CFAP47: variants seen among roughly 807,000 people sequenced by gnomAD.
CFAP47 encodes the protein cilia- and flagella-associated protein 47.
In CFAP47, 29 loss-of-function variants were observed where a neutral mutation model predicts 148.1. That is an observed-to-expected ratio of 0.20 (90% CI 0.15 to 0.27). CFAP47 has a LOEUF of 0.27. Ranked by LOEUF, CFAP47 falls within the 10% of genes least tolerant of loss-of-function variation. The pLI is 1.00. For synonymous variants in CFAP47, 664 were observed against 577.3 expected (o/e 1.15, Z -2.15); for missense variants, 1,872 against 1,697.5 (o/e 1.10, Z -1.81).
At chrX:36,093,989 A>T (rs1938231424) in intron 30 of CFAP47, among the ~76,000 whole-genome samples, 1 of 111,705 alleles carries the variant, frequency 9.0e-6, no homozygotes, top group Admixed American at 9.5e-5. Flanking sequence ...TTCTTGTAGT[A>T]GTTTCATAGT....
intron 22 of CFAP47, among the ~76,000 whole-genome samples, chrX:36,029,734 G>A (rs979890794): frequency 8.2e-5 from 9 of 109,737 alleles, no homozygotes; most frequent in Admixed American, 3.9e-4. Context: ...TGTCATATAT[G>A]TGTATATATA....
chrX:36,340,921 A>T (rs1163171889), intron 57 of CFAP47, among the ~76,000 whole-genome samples: 4 of 111,751 alleles, frequency 3.6e-5, no homozygotes, highest in African/African-American at 1.3e-4. Flanking sequence ...ATTCTTGATC[A>T]CTTTATGTTT....
chrX:36,352,700 A>G (rs1434188155), intron 59 of CFAP47, among the ~76,000 whole-genome samples: 1 of 110,609 alleles, frequency 9.0e-6, no homozygotes, highest in Non-Finnish European at 1.9e-5. Flanking sequence ...GCTAATGTCA[A>G]AATAATACAT....
chrX:36,295,126 G>A (rs917981760), intron 51 of CFAP47, among the ~76,000 whole-genome samples: 2 of 111,973 alleles, frequency 1.8e-5, no homozygotes. Flanking sequence ...ATAAAATAAT[G>A]CTTTCCATCA....
rs937453474 is a variant in CFAP47 at position 35,962,092 on chromosome X, A to G, written c.1411-4473A>G. Among the ~76,000 whole-genome samples, 8 of 111,413 alleles carry G rather than the reference A, an allele frequency of 7.2e-5. No individual in the cohort carries two copies. The South Asian group carries it at 3.0e-3, about 41-fold the overall frequency. ...TCTTTAATCTATTGGTTATTTAGAC[A>G]TGTATTGCTTAATTTCCAAAATGCA... On this transcript the variant is annotated intron_variant, in intron 8 of 63. Transcript: ENST00000378653.
chrX:36,322,471 G>A (rs967905427), intron 57 of CFAP47, among the ~76,000 whole-genome samples: 3 of 110,186 alleles, frequency 2.7e-5, no homozygotes, highest in Admixed American at 9.8e-5. Context: ...TATGACTGCC[G>A]ATAAAATCTA....
At chrX:36,160,657 T>C in intron 38 of CFAP47, 24 bp from the exon 39 acceptor site, 1 of 292,406 alleles carries the variant, frequency 3.4e-6, no homozygotes, top group Non-Finnish European at 6.0e-6. Context: ...TATCATGTGG[T>C]AAGACTTTAT....
intron 30 of CFAP47, among the ~76,000 whole-genome samples, chrX:36,093,824 T>C (rs750331865): frequency 1.4e-4 from 16 of 111,391 alleles, no homozygotes; most frequent in Non-Finnish European, 2.5e-4. Context: ...GCAAATATTT[T>C]GTCCTATTAT....
intron 21 of CFAP47, among the ~76,000 whole-genome samples, chrX:36,008,919 C>T (rs898026003): frequency 9.0e-6 from 1 of 111,648 alleles, no homozygotes; most frequent in Non-Finnish European, 1.9e-5. Flanking sequence ...TGCTCCTGGT[C>T]ACCGCCAGCT....
intron 39 of CFAP47, among the ~76,000 whole-genome samples, chrX:36,176,921 A>C (rs979537074): frequency 5.4e-5 from 6 of 112,050 alleles, no homozygotes; most frequent in Admixed American, 4.7e-4. Context: ...AAAAATAAAA[A>C]AATTAAATAA....
chrX:36,379,440 C>T lies in CFAP47; in HGVS notation c.9276C>T (p.Asn3092=). Residue 3092 remains asparagine, a synonymous_variant, in exon 63 of 64, where the codon AAC becomes AAT. Coordinates refer to ENST00000378653, the MANE Select transcript of CFAP47 (RefSeq NM_001304548.2). The stretch of plus-strand genomic sequence containing the variant: ...AGGCTGGAGAACTTCTTCCTTTTAA[C>T]ACAAACGGAACTCTCATCACTGTAG... ...KPQAGELLPF[N]TNGTLITVGF... 8.6e-7 allele frequency: 1 copy of T among 1,162,208 alleles called. No homozygotes were observed. Among genetic ancestry groups the T allele is most frequent in the Non-Finnish European group, 1.2e-6 (1 of 867,753 alleles).
In CFAP47 at chrX:36,292,343, C is replaced by T. The variant is rs782813037; in HGVS notation, c.7686+6617C>T. On this transcript the variant is annotated intron_variant, in intron 51 of 63. Transcript: ENST00000378653. Reference sequence around the variant, plus strand: ...TTTTCAATTTAGGAAAATTATTGACCCAGATTATAATGATCACTTCCTCTC... The same window carrying T: ...TTTTCAATTTAGGAAAATTATTGACTCAGATTATAATGATCACTTCCTCTC... Among the ~76,000 whole-genome samples the T allele has an allele frequency of 7.2e-5, 8 of 111,427 alleles. No individual in the cohort carries two copies. The South Asian group carries it at 3.0e-3, about 42-fold the overall frequency.
chrX:36,312,048 T>C (rs1279797499), intron 56 of CFAP47, among the ~76,000 whole-genome samples: 7 of 110,945 alleles, frequency 6.3e-5, no homozygotes, highest in Non-Finnish European at 1.3e-4. Flanking sequence ...GAAATTAGCA[T>C]TTTAAGATGG....
chrX:35,984,527 C>T (rs983946786), intron 15 of CFAP47, among the ~76,000 whole-genome samples: 3 of 110,841 alleles, frequency 2.7e-5, no homozygotes, highest in Non-Finnish European at 5.7e-5. Flanking sequence ...TTTTCTAGTT[C>T]CTCTAGTTAT....
chrX:36,118,024 C>T (rs1401097698), intron 33 of CFAP47, among the ~76,000 whole-genome samples: 1 of 111,748 alleles, frequency 8.9e-6, no homozygotes, highest in African/African-American at 3.3e-5. Flanking sequence ...ATCTTCTTAA[C>T]ACCTTTCTCA....
In CFAP47 at chrX:36,236,746, G is replaced by T. The variant is rs1242671375; in HGVS notation, c.7219G>T (p.Val2407Phe). The T allele has an allele frequency of 1.9e-6, 1 of 525,172 alleles. No homozygotes were observed. The highest frequency in any genetic ancestry group is 3.5e-6 in the Non-Finnish European group (1 of 286,688). The allele number at this position is 525,172 out of a possible 1,213,427, so 43.3% of individuals were successfully genotyped here. Residue 2407 changes from valine to phenylalanine, a missense_variant, in exon 48 of 64, where the codon GTT (valine) becomes TTT (phenylalanine). Physicochemically the swap from Val to Phe is conservative, Grantham distance 50. Transcript: ENST00000378653. ...GREHIFDIKGVGKKPSALEHI... is the reference protein window; with the variant it reads ...GREHIFDIKGFGKKPSALEHI... Reference sequence around the variant, plus strand: ...GGAGCACATCTTTGACATAAAAGGGGTTGGGAAAAAACCTTCGGCCTTGGA... The same window carrying T: ...GGAGCACATCTTTGACATAAAAGGGTTTGGGAAAAAACCTTCGGCCTTGGA...
intron 45 of CFAP47, among the ~76,000 whole-genome samples, chrX:36,227,743 GAT>G (rs1317627113): frequency 1.8e-5 from 2 of 112,232 alleles, no homozygotes; most frequent in African/African-American, 6.5e-5. Flanking sequence ...TTAGGCGTCA[GAT>G]GTTTTTAAAA....
At chrX:35,991,432 T>C (rs1936788139) in intron 16 of CFAP47, among the ~76,000 whole-genome samples, 1 of 110,560 alleles carries the variant, frequency 9.0e-6, no homozygotes, top group Non-Finnish European at 1.9e-5. Flanking sequence ...TACCTAAAAA[T>C]ATCTAAATAT....
At chrX:36,002,925 G>A (rs1302615924) in intron 21 of CFAP47, among the ~76,000 whole-genome samples, 1 of 111,336 alleles carries the variant, frequency 9.0e-6, no homozygotes, top group African/African-American at 3.3e-5. Flanking sequence ...TTGAGGATGA[G>A]TTTGAATATT....
Sources: allele counts gnomAD v4.1 joint callset (sites outside exome capture counted in the v4.1 genomes callset), GRCh38; gene constraint gnomAD v4.1.1; transcripts MANE v1.5; gene names NCBI Gene and HGNC (gene_info 2026-07-23, HGNC 2026-07-21).